AKAP7: variants seen among roughly 807,000 people sequenced by gnomAD.
The protein encoded by AKAP7 is A kinase (PRKA) anchor protein 7.
A neutral mutation model predicts 39.5 loss-of-function variants in AKAP7; 39 were observed. The ratio of observed to expected loss-of-function variants is 0.99; its 90% CI spans 0.76 to 1.29. The LOEUF (loss-of-function observed/expected upper bound fraction) is 1.29. Among genes scored for constraint, AKAP7 ranks in the 50% most tolerant of loss-of-function variants. AKAP7 has a pLI of 0.00. For missense variants in AKAP7, 414 were observed against 407.7 expected (o/e 1.02, Z -0.13); for synonymous variants, 140 against 139.1 (o/e 1.01, Z -0.05).
chr6:131,204,347 G>C (rs1278481633), intron 6 of AKAP7, among the ~76,000 whole-genome samples: 1 of 152,116 alleles, frequency 6.6e-6, no homozygotes, highest in Non-Finnish European at 1.5e-5. Context: ...TACTGAAGTA[G>C]ATATAAGGAT....
chr6:131,272,129 C>T (rs943169216), intron 7 of AKAP7, among the ~76,000 whole-genome samples: 6 of 152,102 alleles, frequency 3.9e-5, no homozygotes, highest in African/African-American at 1.4e-4. Context: ...TTGCCCATTT[C>T]GTCTAGTTTG....
At chr6:131,257,367 CA>C (rs10712918) in intron 7 of AKAP7, among the ~76,000 whole-genome samples, 26,695 of 89,626 alleles carry the variant, frequency 0.3, 2,264 homozygotes, top group Middle Eastern at 0.35. Context: ...GGCCTTGTCT[CA>C]AAAAAAAAAA....
intron 7 of AKAP7, among the ~76,000 whole-genome samples, chr6:131,227,083 AT>A (rs1562228227): frequency 2.6e-5 from 4 of 152,198 alleles, no homozygotes; most frequent in African/African-American, 9.7e-5. Flanking sequence ...GAAGCTTATA[AT>A]TTTACCATTT....
In AKAP7 at chr6:131,165,122, A is replaced by G. The variant is rs767857459; in HGVS notation, c.333A>G (p.Gln111=). 8 of 1,611,894 alleles carry G rather than the reference A, an allele frequency of 5.0e-6. No homozygotes were observed. In the African/African-American group the frequency reaches 6.7e-5, roughly 13 times the overall value. ...AGATCCTGCAGAATGCAATAATACA[A>G]CAAGATGAGCGACTGGCCAAAGCAA... ...GIKILQNAII[Q]QDERLAKAMV... is the part of the protein sequence containing the mutation. The change falls in exon 4 of 8, where the codon CAA becomes CAG. Residue 111 remains glutamine (Q), a synonymous_variant. Transcript: ENST00000431975.
At chr6:131,174,052 TATTAGGTACTGTTG>T (rs1290338552) in intron 5 of AKAP7, among the ~76,000 whole-genome samples, 1 of 152,150 alleles carries the variant, frequency 6.6e-6, no homozygotes, top group Non-Finnish European at 1.5e-5. Context: ...ATTCCAGAGG[TATTAGGTACTGTTG>T]ATTAAAAATA....
chr6:131,259,309 CTTTGT>C (rs1053287243), intron 7 of AKAP7, among the ~76,000 whole-genome samples: 1 of 152,026 alleles, frequency 6.6e-6, no homozygotes, highest in African/African-American at 2.4e-5. Context: ...TGTAGTCAGA[CTTTGT>C]TTAGAGTACT....
At chr6:131,173,417 A>G (rs1242061007) in intron 5 of AKAP7, among the ~76,000 whole-genome samples, 6 of 151,966 alleles carry the variant, frequency 3.9e-5, no homozygotes, top group African/African-American at 1.5e-4. Context: ...CTTACCTCAT[A>G]CCTGGCTTCA....
Position 131,281,877 on chromosome 6 carries a change from G to C in AKAP7, c.*151G>C. On this transcript the variant is annotated 3_prime_UTR_variant, in exon 8 of 8. Coordinates refer to ENST00000431975, the MANE Select transcript of AKAP7 (RefSeq NM_016377.4). The surrounding 1 kb of genome is among the most constrained non-coding windows in gnomAD (Gnocchi z 4.0). ...AATACTTTTCATGATCGATGTGTTC[G>C]CATTGCTGAAACACAACAGAAGAAA... is the stretch of plus-strand genomic sequence containing the variant. 1 of 1,274,302 alleles carries C rather than the reference G, an allele frequency of 7.8e-7. No homozygotes were observed. Among genetic ancestry groups the C allele is most frequent in the Middle Eastern group, 3.0e-4 (1 of 3,324 alleles). The allele number at this position is 1,274,302 out of a possible 1,614,324, so 78.9% of individuals were successfully genotyped here.
chr6:131,229,491 G>A (rs1810465256), intron 7 of AKAP7, among the ~76,000 whole-genome samples: 1 of 152,102 alleles, frequency 6.6e-6, no homozygotes, highest in African/African-American at 2.4e-5. Flanking sequence ...TGGGATTACA[G>A]GTGCCTACCA....
At position 131,135,626 on chromosome 6, in the gene AKAP7, C is replaced by T; in HGVS notation, c.-138C>T. On this transcript the variant is annotated 5_prime_UTR_variant, in exon 1 of 8. Coordinates refer to ENST00000431975, the MANE Select transcript of AKAP7 (RefSeq NM_016377.4). The stretch of plus-strand genomic sequence containing the variant: ...GGCCCCCGCAGCCTGTCGCTGGACC[C>T]CGCGCCGGCCCAGCGCACCGCCCTC... The T allele has an allele frequency of 3.9e-6, 3 of 778,186 alleles. No homozygotes were observed. The highest frequency in any genetic ancestry group is 4.7e-6 in the Non-Finnish European group (3 of 637,704). The allele number at this position is 778,186 out of a possible 1,614,324, so 48.2% of individuals were successfully genotyped here. A position where few individuals can be genotyped will look rare whatever the true frequency, so the allele number is the denominator to read the frequency against.
intron 7 of AKAP7, among the ~76,000 whole-genome samples, chr6:131,240,869 C>T (rs1024721276): frequency 6.6e-6 from 1 of 152,314 alleles, no homozygotes; most frequent in South Asian, 2.1e-4. Flanking sequence ...TGAGGTGATG[C>T]CTTGCCCTGC....
chr6:131,160,302 G>A, intron 3 of AKAP7, 104 bp downstream of exon 3: 1 of 1,213,914 alleles, frequency 8.2e-7, no homozygotes, highest in South Asian at 1.4e-5. Context: ...AAGAGTATTT[G>A]GTGGCATTTT....
chr6:131,150,931 C>G (rs1050263480), intron 2 of AKAP7, among the ~76,000 whole-genome samples: 1 of 152,108 alleles, frequency 6.6e-6, no homozygotes, highest in Non-Finnish European at 1.5e-5. Flanking sequence ...CATATATTTG[C>G]TAAATTATTT....
In AKAP7 at chr6:131,154,041, C is replaced by G. The variant is rs139139822; in HGVS notation, c.152-6018C>G. On this transcript the variant is annotated intron_variant, in intron 2 of 7. Coordinates refer to ENST00000431975, the MANE Select transcript of AKAP7 (RefSeq NM_016377.4). The stretch of plus-strand genomic sequence containing the variant: ...CCTGGCCAATATGGTGAAAACCTGT[C>G]TCTACTAAAAATACAAAAAATTAGC... Among the ~76,000 whole-genome samples the G allele has an allele frequency of 7.2e-3, 1,091 of 152,188 alleles. 13 individuals carry two copies. The highest frequency in any genetic ancestry group is 0.024 in the African/African-American group (1,014 of 41,500).
intron 7 of AKAP7, among the ~76,000 whole-genome samples, chr6:131,226,751 G>A (rs773109244): frequency 1.6e-4 from 25 of 152,240 alleles, no homozygotes; most frequent in South Asian, 6.2e-4. Flanking sequence ...AATTTGGAAA[G>A]GTCTAGACGT....
intron 7 of AKAP7, among the ~76,000 whole-genome samples, chr6:131,258,894 A>G (rs1434394899): frequency 6.6e-6 from 1 of 152,222 alleles, no homozygotes; most frequent in Non-Finnish European, 1.5e-5. Flanking sequence ...AGAAAGTGAT[A>G]TACAAACAAG....
At chr6:131,193,015 T>C (rs1806568122) in intron 5 of AKAP7, among the ~76,000 whole-genome samples, 2 of 152,228 alleles carry the variant, frequency 1.3e-5, no homozygotes, top group Admixed American at 1.3e-4. Context: ...TGTAAGATCA[T>C]ATCATCTGCA....
rs1448464713 is a variant in AKAP7, at chr6:131,280,109, TTATTTAG to T, written c.851-1418_851-1412del. 3.3e-5 allele frequency among the ~76,000 whole-genome samples: 5 copies of T among 152,208 alleles called. No individual in the cohort carries two copies. The East Asian group carries it at 9.6e-4, about 29-fold the overall frequency. Reference sequence around the variant, plus strand: ...TTACCAATGAATTTCTTTAACCGTATTATTTAGTAAGTTCTATTTAGTTATTACTGAG... The same window carrying T: ...TTACCAATGAATTTCTTTAACCGTATTAAGTTCTATTTAGTTATTACTGAG... On this transcript the variant is annotated intron_variant, in intron 7 of 7. Transcript: ENST00000431975.
chr6:131,178,379 G>A (rs533651254), intron 5 of AKAP7, among the ~76,000 whole-genome samples: 3 of 152,252 alleles, frequency 2.0e-5, no homozygotes, highest in Admixed American at 6.5e-5. Flanking sequence ...TATTGGGCAC[G>A]CAGACAATGT....
Sources: gnomAD v4.1 joint callset for allele counts (sites outside exome capture counted in the v4.1 genomes callset) on GRCh38, gnomAD v4.1.1 for gene constraint, Gnocchi (gnomAD v3.1) non-coding constraint, MANE v1.5 for transcripts, NCBI Gene and HGNC (gene_info 2026-07-23, HGNC 2026-07-21) for gene names.